Variants in JAKMIP2 observed in about 807,000 individuals in gnomAD.
JAKMIP2 encodes janus kinase and microtubule interacting protein 2, also known as janus kinase and microtubule-interacting protein 2.
A neutral mutation model predicts 115.0 loss-of-function variants in JAKMIP2; 25 were observed. That is an observed-to-expected ratio of 0.22 (90% CI 0.16 to 0.30). The LOEUF (loss-of-function observed/expected upper bound fraction) is 0.30, where lower values mean the gene tolerates loss of function less well. JAKMIP2 is among the 10% of genes least tolerant of loss of function. The pLI is 1.00. For missense variants in JAKMIP2, 642 were observed against 957.6 expected (o/e 0.67, Z 4.35); for synonymous variants, 334 against 343.6 (o/e 0.97, Z 0.31).
intron 1 of JAKMIP2, among the ~76,000 whole-genome samples, chr5:147,749,859 G>A (rs1332792610): frequency 6.6e-6 from 1 of 152,104 alleles, no homozygotes; most frequent in African/African-American, 2.4e-5. Context: ...CCCTGAAATT[G>A]GATTGAGCTG....
intron 1 of JAKMIP2, among the ~76,000 whole-genome samples, chr5:147,737,599 C>T (rs1753974599): frequency 6.6e-6 from 1 of 152,196 alleles, no homozygotes; most frequent in African/African-American, 2.4e-5. Context: ...GTAACATTCT[C>T]ACTAAAGGTG....
chr5:147,590,838 T>C lies in JAKMIP2; in HGVS notation c.*869A>G, dbSNP rs1469657955. On this transcript the variant is annotated 3_prime_UTR_variant, in exon 22 of 22. Transcript: ENST00000616793. ...AGTATCATCTTCTTAGTTTTCAATA[T>C]GAATGAGATCAGTCCATTGTTGATA... The C allele has an allele frequency of 1.3e-5, 2 of 152,228 alleles. No homozygotes were observed. The highest frequency in any genetic ancestry group is 3.9e-4 in the East Asian group (2 of 5,192). 9.4% of individuals were successfully genotyped at this position (152,228 alleles called of 1,614,324 possible).
chr5:147,715,817 CTT>C (rs1235192144), intron 1 of JAKMIP2, among the ~76,000 whole-genome samples: 11 of 128,160 alleles, frequency 8.6e-5, no homozygotes, highest in African/African-American at 5.7e-5. Context: ...AATTATATTT[CTT>C]TTTTTTTTTT....
intron 1 of JAKMIP2, among the ~76,000 whole-genome samples, chr5:147,704,109 C>G (rs1226975730): frequency 2.6e-5 from 4 of 152,084 alleles, no homozygotes; most frequent in Non-Finnish European, 5.9e-5. Flanking sequence ...TTTTGGAACA[C>G]CTCCTGAGGC....
chr5:147,744,009 TC>T, intron 1 of JAKMIP2, among the ~76,000 whole-genome samples: 1 of 118,972 alleles, frequency 8.4e-6, no homozygotes, highest in South Asian at 3.1e-4. Context: ...TTTCCTTCCT[TC>T]CTTCCTTCCT....
intron 1 of JAKMIP2, among the ~76,000 whole-genome samples, chr5:147,743,354 G>A (rs143210771): frequency 6.6e-6 from 1 of 152,168 alleles, no homozygotes; most frequent in Non-Finnish European, 1.5e-5. Context: ...GATGGTACTT[G>A]AATAGTAGTA....
At chr5:147,660,913 G>A (rs766581219) in intron 3 of JAKMIP2, 35 bp downstream of exon 3, 1 of 1,602,984 alleles carries the variant, frequency 6.2e-7, no homozygotes, top group Non-Finnish European at 8.5e-7. Flanking sequence ...GAAGAGATGG[G>A]TTCTACATGG....
chr5:147,718,344 G>A (rs1753104134), intron 1 of JAKMIP2, among the ~76,000 whole-genome samples: 1 of 150,192 alleles, frequency 6.7e-6, no homozygotes, highest in Non-Finnish European at 1.5e-5. Flanking sequence ...TTTGGTATCA[G>A]AATGATGCTG....
chr5:147,703,627 A>G (rs1046398846), intron 1 of JAKMIP2, among the ~76,000 whole-genome samples: 13 of 145,478 alleles, frequency 8.9e-5, no homozygotes, highest in Admixed American at 4.2e-4. Flanking sequence ...AGACCTCACT[A>G]TGTTTCCCAG....
intron 5 of JAKMIP2, among the ~76,000 whole-genome samples, chr5:147,647,570 G>A (rs1304768623): frequency 6.6e-6 from 1 of 152,092 alleles, no homozygotes; most frequent in African/African-American, 2.4e-5. Context: ...GTAAATATTT[G>A]AAAAGTTACC....
intron 1 of JAKMIP2, among the ~76,000 whole-genome samples, chr5:147,726,613 G>T (rs1051100532): frequency 4.6e-5 from 7 of 152,286 alleles, no homozygotes; most frequent in Non-Finnish European, 1.5e-5. Context: ...TTCCTGTATT[G>T]TACTGCCATA....
At chr5:147,752,434 A>T (rs1022661886) in intron 1 of JAKMIP2, among the ~76,000 whole-genome samples, 1 of 152,200 alleles carries the variant, frequency 6.6e-6, no homozygotes, top group Non-Finnish European at 1.5e-5. Context: ...CCACAGGCCA[A>T]ATCCAGCCTG....
rs146359722 is a variant in JAKMIP2 at position 147,700,608 on chromosome 5, G to A, written c.-148-28654C>T. 4.6e-3 allele frequency among the ~76,000 whole-genome samples: 704 copies of A among 152,186 alleles called. 13 individuals carry two copies. Among genetic ancestry groups the A allele is most frequent in the African/African-American group, 0.016 (667 of 41,514 alleles). On this transcript the variant is annotated intron_variant, in intron 1 of 21. Coordinates refer to ENST00000616793, the MANE Select transcript of JAKMIP2 (RefSeq NM_001270941.2). The stretch of plus-strand genomic sequence containing the variant: ...TTAGCTGTCTTTAAGTGTCTCATGG[G>A]AGAAATTCAGCTGTGTATTTGTTTC...
intron 1 of JAKMIP2, among the ~76,000 whole-genome samples, chr5:147,689,999 C>A (rs1160400889): frequency 1.3e-5 from 2 of 152,180 alleles, no homozygotes; most frequent in African/African-American, 4.8e-5. Flanking sequence ...ATCTAGCCCA[C>A]ACCTGTGCAA....
At chr5:147,742,832 T>C (rs1404012641) in intron 1 of JAKMIP2, among the ~76,000 whole-genome samples, 1 of 151,896 alleles carries the variant, frequency 6.6e-6, no homozygotes, top group Admixed American at 6.6e-5. Context: ...GGTGTTAGAA[T>C]TGAAGAAATT....
intron 1 of JAKMIP2, among the ~76,000 whole-genome samples, chr5:147,700,020 G>A (rs900655295): frequency 2.6e-5 from 4 of 152,202 alleles, no homozygotes; most frequent in Non-Finnish European, 5.9e-5. Context: ...AAAGGCCAGT[G>A]CTCCCAATGA....
chr5:147,767,601 G>T (rs1231479822), intron 1 of JAKMIP2, among the ~76,000 whole-genome samples: 1 of 151,880 alleles, frequency 6.6e-6, no homozygotes, highest in East Asian at 1.9e-4. Context: ...TTCCCTCCAG[G>T]TTTATATTTT....
intron 1 of JAKMIP2, among the ~76,000 whole-genome samples, chr5:147,770,330 G>A (rs532638490): frequency 1.2e-4 from 18 of 151,946 alleles, no homozygotes; most frequent in African/African-American, 4.3e-4. Context: ...GCTCCACCTG[G>A]GTCAGAGGTT....
In JAKMIP2 at chr5:147,745,023, G is replaced by A. The variant is rs1023857363; in HGVS notation, c.-149+37433C>T. 6.2e-5 allele frequency among the ~76,000 whole-genome samples: 9 copies of A among 144,232 alleles called. No homozygotes were observed. The South Asian group carries it at 1.3e-3, about 21-fold the overall frequency. 94.6% of individuals were successfully genotyped at this position (144,232 alleles called of 152,430 possible). Reference sequence around the variant, plus strand: ...CAGTGAGCAGAGATCATGCCACTGCGCTCCAACCTGGCAACAGAGCTAGAC... The same window carrying A: ...CAGTGAGCAGAGATCATGCCACTGCACTCCAACCTGGCAACAGAGCTAGAC... On this transcript the variant is annotated intron_variant, in intron 1 of 21. Coordinates refer to ENST00000616793, the MANE Select transcript of JAKMIP2 (RefSeq NM_001270941.2).
Sources: gnomAD v4.1 joint callset for allele counts (sites outside exome capture counted in the v4.1 genomes callset) on GRCh38, gnomAD v4.1.1 for gene constraint, MANE v1.5 for transcripts, NCBI Gene and HGNC (gene_info 2026-07-23, HGNC 2026-07-21) for gene names.